Variants in ADAMTS20 observed in about 807,000 individuals in gnomAD.
The protein encoded by ADAMTS20 is ADAM metallopeptidase with thrombospondin type 1 motif 20, also known as A disintegrin and metalloproteinase with thrombospondin motifs 20.
Under a neutral mutation model 260.1 loss-of-function variants are expected in ADAMTS20, and 225 were observed. That is an observed-to-expected ratio of 0.87 (90% CI 0.78 to 0.97). The LOEUF (loss-of-function observed/expected upper bound fraction) is 0.97. Ranked by LOEUF, ADAMTS20 falls within the 50% of genes least tolerant of loss-of-function variation. The probability of loss-of-function intolerance (pLI) is 0.00; values close to 1 mark genes in which losing one functional copy is unlikely to be tolerated. For missense variants in ADAMTS20, 2,400 were observed against 2,337.7 expected (o/e 1.03, Z -0.55); for synonymous variants, 802 against 769.5 (o/e 1.04, Z -0.70).
intron 3 of ADAMTS20, among the ~76,000 whole-genome samples, chr12:43,516,029 TC>T (rs1222596591): frequency 1.3e-5 from 2 of 151,950 alleles, no homozygotes; most frequent in Non-Finnish European, 2.9e-5. Flanking sequence ...GTAGGGAGCA[TC>T]TCCCCCACCC....
chr12:43,537,487 ATTTATCT>A (rs1943312861), intron 2 of ADAMTS20, among the ~76,000 whole-genome samples: 2 of 152,178 alleles, frequency 1.3e-5, no homozygotes, highest in South Asian at 2.1e-4. Context: ...CTCCTGAAGC[ATTTATCT>A]TTTGATAAAT....
At chr12:43,509,796 A>G (rs757870677) in intron 3 of ADAMTS20, among the ~76,000 whole-genome samples, 1 of 152,164 alleles carries the variant, frequency 6.6e-6, no homozygotes, top group Non-Finnish European at 1.5e-5. Flanking sequence ...GTGTTATATT[A>G]TTAATAAGTT....
chr12:43,503,186 T>C (rs1284891358), intron 3 of ADAMTS20, among the ~76,000 whole-genome samples: 1 of 152,186 alleles, frequency 6.6e-6, no homozygotes, highest in African/African-American at 2.4e-5. Context: ...GTCCTATTTC[T>C]CTCCCCTTCA....
intron 37 of ADAMTS20, among the ~76,000 whole-genome samples, chr12:43,368,382 G>A (rs1940033196): frequency 6.6e-6 from 1 of 152,040 alleles, no homozygotes; most frequent in African/African-American, 2.4e-5. Context: ...CCTAAGTTAA[G>A]ATGTATAGAT....
intron 29 of ADAMTS20, 38 bp downstream of exon 29, chr12:43,399,028 A>C (rs1455957311): frequency 8.2e-7 from 1 of 1,226,702 alleles, no homozygotes; most frequent in African/African-American, 1.6e-5. Flanking sequence ...TTAAATACAA[A>C]AAAATACATA....
chr12:43,471,134 G>A (rs4403861), intron 7 of ADAMTS20, among the ~76,000 whole-genome samples: 50 of 151,868 alleles, frequency 3.3e-4, no homozygotes, highest in African/African-American at 8.9e-4. Context: ...TGCACGCACC[G>A]TGCGAGAGCC....
chr12:43,379,687 G>C (rs1210318570), intron 31 of ADAMTS20, among the ~76,000 whole-genome samples: 1 of 152,114 alleles, frequency 6.6e-6, no homozygotes, highest in African/African-American at 2.4e-5. Context: ...GACTTCAATG[G>C]CCATGTATGA....
At chr12:43,363,153 T>G (rs990371809) in intron 37 of ADAMTS20, among the ~76,000 whole-genome samples, 8 of 151,980 alleles carry the variant, frequency 5.3e-5, no homozygotes, top group African/African-American at 1.9e-4. Context: ...TCCTCCCACC[T>G]CAGCAAGATG....
At chr12:43,540,116 C>T (rs1485698845) in intron 2 of ADAMTS20, among the ~76,000 whole-genome samples, 14 of 151,924 alleles carry the variant, frequency 9.2e-5, no homozygotes, top group African/African-American at 2.4e-4. Flanking sequence ...TCTCCTGATC[C>T]GCCTCAGCCT....
At chr12:43,443,982 C>T in intron 15 of ADAMTS20, 99 bp from the exon 16 acceptor site, 1 of 881,022 alleles carries the variant, frequency 1.1e-6, no homozygotes, top group Non-Finnish European at 1.8e-6. Context: ...CATAGTCAGA[C>T]TTAATTTTGT....
At chr12:43,541,266 A>T (rs1443340489) in intron 2 of ADAMTS20, among the ~76,000 whole-genome samples, 1 of 152,184 alleles carries the variant, frequency 6.6e-6, no homozygotes. Context: ...AAGCCTAGGT[A>T]TGAGTTCTGG....
intron 4 of ADAMTS20, among the ~76,000 whole-genome samples, chr12:43,494,439 A>G (rs1489766950): frequency 6.6e-6 from 1 of 152,212 alleles, no homozygotes; most frequent in African/African-American, 2.4e-5. Flanking sequence ...CCAGAACTAG[A>G]GCCAAAAGCA....
chr12:43,357,009 A>C (rs1034006605), intron 37 of ADAMTS20, among the ~76,000 whole-genome samples: 37 of 152,202 alleles, frequency 2.4e-4, no homozygotes, highest in Admixed American at 2.4e-3. Flanking sequence ...CATCCATTTT[A>C]AACACCAGAA....
chr12:43,502,309 G>T lies in ADAMTS20; in HGVS notation c.710C>A (p.Ser237Ter), dbSNP rs1942779819. Reference sequence around the variant, plus strand: ...TTCATCTTTCAATGGTACATTTTTTGATGTGTGTCCTAAAACTCTTTCTTT... The same window carrying T: ...TTCATCTTTCAATGGTACATTTTTTTATGTGTGTCCTAAAACTCTTTCTTT... The part of the protein sequence containing the change: ...VMKERVLGHT[S>*]KNVPLKDERR... The change falls in exon 4 of 39, where the codon TCA becomes TAA. Residue 237 changes from serine (S) to a stop codon, truncating the protein, a stop_gained. Transcript: ENST00000389420. LOFTEE classifies it high-confidence loss of function. 1.9e-6 allele frequency: 3 copies of T among 1,611,596 alleles called. No homozygotes were observed. Among genetic ancestry groups the T allele is most frequent in the South Asian group, 1.1e-5 (1 of 90,800 alleles).
At chr12:43,434,473 C>T in intron 18 of ADAMTS20, 102 bp from the exon 19 acceptor site, 8 of 1,260,826 alleles carry the variant, frequency 6.3e-6, no homozygotes, top group Non-Finnish European at 8.5e-6. Context: ...GCCAGCTAAG[C>T]AAGTAAAAAT....
chr12:43,421,225 A>C (rs1941227549), intron 28 of ADAMTS20, among the ~76,000 whole-genome samples: 1 of 150,892 alleles, frequency 6.6e-6, no homozygotes, highest in Non-Finnish European at 1.5e-5. Context: ...TTTTTTTAAG[A>C]AGAAACACAA....
chr12:43,363,824 G>C (rs1291481623), intron 37 of ADAMTS20, among the ~76,000 whole-genome samples: 5 of 152,128 alleles, frequency 3.3e-5, no homozygotes, highest in Non-Finnish European at 7.4e-5. Context: ...GCTCTTCTTG[G>C]GGACTTTCCT....
intron 7 of ADAMTS20, among the ~76,000 whole-genome samples, chr12:43,489,010 C>T (rs1942563371): frequency 6.6e-6 from 1 of 151,956 alleles, no homozygotes; most frequent in African/African-American, 2.4e-5. Flanking sequence ...AATGTAACAG[C>T]TTACAGTTTT....
intron 3 of ADAMTS20, among the ~76,000 whole-genome samples, chr12:43,527,239 A>G (rs1819405340): frequency 6.6e-6 from 1 of 152,206 alleles, no homozygotes; most frequent in Admixed American, 6.5e-5. Context: ...AGATAGATTC[A>G]CAGTTGAATT....
Sources: gnomAD v4.1 joint callset for allele counts (sites outside exome capture counted in the v4.1 genomes callset) on GRCh38, gnomAD v4.1.1 for gene constraint, MANE v1.5 for transcripts, NCBI Gene and HGNC (gene_info 2026-07-23, HGNC 2026-07-21) for gene names.